DNAH17: variants seen among roughly 807,000 people sequenced by gnomAD.
The protein encoded by DNAH17 is axonemal beta dynein heavy chain 17.
Under a neutral mutation model 485.6 loss-of-function variants are expected in DNAH17, and 376 were observed. The ratio of observed to expected loss-of-function variants is 0.77; its 90% CI spans 0.71 to 0.84. DNAH17 has a LOEUF of 0.84. Ranked by LOEUF, DNAH17 falls within the 40% of genes least tolerant of loss-of-function variation. The pLI is 0.00. For synonymous variants in DNAH17, 3,031 were observed against 2,405.9 expected (o/e 1.26, Z -7.60); for missense variants, 6,370 against 5,839.3 (o/e 1.09, Z -2.96).
At chr17:78,500,057 G>A (rs554071496) in intron 36 of DNAH17, 2 of 458,560 alleles carry the variant, frequency 4.4e-6, no homozygotes, top group South Asian at 5.5e-5. Flanking sequence ...ATTGAGAGAG[G>A]GTCACCTCCA....
chr17:78,520,677 T>C (rs562468667), intron 25 of DNAH17, among the ~76,000 whole-genome samples: 2 of 152,202 alleles, frequency 1.3e-5, no homozygotes, highest in African/African-American at 2.4e-5. Flanking sequence ...TAACAAAACA[T>C]GTATAGGATC....
At chr17:78,482,985 C>T (rs1289927841) in intron 48 of DNAH17, among the ~76,000 whole-genome samples, 1 of 152,206 alleles carries the variant, frequency 6.6e-6, no homozygotes, top group Non-Finnish European at 1.5e-5. Context: ...TGGAAGGGGC[C>T]TCGCGAGTTG....
At chr17:78,545,748 C>G (rs945413365) in intron 16 of DNAH17, among the ~76,000 whole-genome samples, 1 of 152,160 alleles carries the variant, frequency 6.6e-6, no homozygotes, top group Non-Finnish European at 1.5e-5. Flanking sequence ...CATTTTTCAA[C>G]TCTTCTAATA....
At position 78,450,730 on chromosome 17, in the gene DNAH17, C is replaced by T. The variant is rs1464702811; in HGVS notation, c.10851G>A (p.Val3617=). 3.1e-6 allele frequency: 5 copies of T among 1,613,808 alleles called. No individual in the cohort carries two copies. The African/African-American group carries it at 6.7e-5, about 22-fold the overall frequency. Residue 3617 remains valine (V), a synonymous_variant, in exon 67 of 81, where the codon GTG becomes GTA. Transcript: ENST00000389840. ...TGTGCTTGGTGGTCTCCAGATTCTCCACCAAGGCCGTGTCTCCCAGAAAGT... is the reference window on the plus strand; with the variant it reads ...TGTGCTTGGTGGTCTCCAGATTCTCTACCAAGGCCGTGTCTCCCAGAAAGT... ...SGNFLGDTAL[V]ENLETTKHTA... is the part of the protein sequence containing the mutation.
At chr17:78,470,213 A>G (rs1057501295) in intron 54 of DNAH17, among the ~76,000 whole-genome samples, 9 of 150,680 alleles carry the variant, frequency 6.0e-5, no homozygotes, top group Non-Finnish European at 1.2e-4. Flanking sequence ...GATTACAGGC[A>G]TGTGCCACCA....
rs779904791 is a variant in DNAH17, at chr17:78,425,367, C to T, written c.13120G>A (p.Val4374Met). ...MTAPPREGSY[V>M]YGLFMEGARW... is the part of the protein sequence containing the mutation. ...TTACCTTCCATGAAGAGTCCGTACA[C>T]GTAGGAGCCCTCTCGCGGAGGAGCG... is the stretch of plus-strand genomic sequence containing the variant. Residue 4374 changes from valine (V) to methionine (M), a missense_variant, in exon 80 of 81, where the codon GTG becomes ATG. By Grantham distance (21) the Val-to-Met change is conservative. Coordinates refer to ENST00000389840, the MANE Select transcript of DNAH17 (RefSeq NM_173628.4). 8.1e-6 allele frequency: 13 copies of T among 1,613,852 alleles called. No homozygotes were observed. The highest frequency in any genetic ancestry group is 1.7e-5 in the Admixed American group (1 of 59,990).
intron 44 of DNAH17, chr17:78,489,938 A>T (rs1045828140): frequency 6.6e-6 from 1 of 152,068 alleles, no homozygotes; most frequent in South Asian, 2.1e-4. Flanking sequence ...GGAACACCTC[A>T]CTGGGATTTC....
chr17:78,552,317 A>G (rs1388518525), intron 15 of DNAH17, among the ~76,000 whole-genome samples: 1 of 152,090 alleles, frequency 6.6e-6, no homozygotes. Flanking sequence ...ACTTCTTCCT[A>G]CTTTGCTGAC....
intron 75 of DNAH17, among the ~76,000 whole-genome samples, chr17:78,433,204 C>T (rs1004002224): frequency 5.3e-5 from 8 of 152,230 alleles, no homozygotes; most frequent in African/African-American, 1.7e-4. Flanking sequence ...CAGGCTTAGC[C>T]TGAGTCAAAG....
chr17:78,437,148 G>A (rs1161355637), intron 74 of DNAH17, among the ~76,000 whole-genome samples: 4 of 152,164 alleles, frequency 2.6e-5, no homozygotes, highest in Non-Finnish European at 5.9e-5. Context: ...TCAGAGGGGG[G>A]CTGAAGGCAA....
intron 71 of DNAH17, among the ~76,000 whole-genome samples, chr17:78,443,563 A>G (rs2087155388): frequency 6.6e-6 from 1 of 151,222 alleles, no homozygotes. Flanking sequence ...TTTTATTTTT[A>G]TTTTGAGGCA....
intron 68 of DNAH17, chr17:78,449,967 T>C (rs1349010603): frequency 6.0e-6 from 3 of 497,734 alleles, no homozygotes; most frequent in Non-Finnish European, 1.1e-5. Context: ...TGAGCCACCA[T>C]GCCAGGCCAT....
chr17:78,439,262 A>G (rs1354903243), intron 72 of DNAH17, 45 bp from the exon 73 acceptor site: 7 of 1,575,008 alleles, frequency 4.4e-6, no homozygotes, highest in Non-Finnish European at 6.0e-6. Flanking sequence ...TAATTAAATG[A>G]CACAGGTTCA....
intron 14 of DNAH17, among the ~76,000 whole-genome samples, chr17:78,556,500 A>G (rs1220866024): frequency 6.6e-6 from 1 of 152,222 alleles, no homozygotes; most frequent in Non-Finnish European, 1.5e-5. Flanking sequence ...GATTTGTTAC[A>G]GCAGCAACAG....
intron 43 of DNAH17, among the ~76,000 whole-genome samples, chr17:78,491,134 G>A (rs547166718): frequency 7.2e-5 from 11 of 152,344 alleles, no homozygotes; most frequent in African/African-American, 2.6e-4. Flanking sequence ...GTTCCTTCCT[G>A]CATCCAACTG....
chr17:78,507,579 A>T lies in DNAH17; in HGVS notation c.4463T>A (p.Ile1488Asn), dbSNP rs766525665. 1.2e-6 allele frequency: 2 copies of T among 1,614,024 alleles called. No homozygotes were observed. Among genetic ancestry groups the T allele is most frequent in the African/African-American group, 1.3e-5 (1 of 74,942 alleles). The change falls in exon 28 of 81, where the codon ATC (isoleucine) becomes AAC (asparagine). Residue 1488 changes from isoleucine to asparagine, a missense_variant. Physicochemically the swap from Ile to Asn is moderately radical, Grantham distance 149. Transcript: ENST00000389840. ...CCAGGTTCGCTGGACCTCAAACCAG[A>T]TGGAGATGACGGAGTCCGCCGTGGA... ...KLSTADSVIS[I>N]WFEVQRTWSH... is the part of the protein sequence containing the mutation.
rs2086286869 is a variant in DNAH17 at position 78,424,214 on chromosome 17, A to G, written c.13142-61T>C. 1.9e-6 allele frequency: 3 copies of G among 1,549,878 alleles called. No individual in the cohort carries two copies. The African/African-American group carries it at 4.0e-5, about 21-fold the overall frequency. On this transcript the variant is annotated intron_variant, in intron 80 of 80. Transcript: ENST00000389840. ...GCCAGTAAGTGAGGGAGGGGCTGGC[A>G]GGAAGGGTGGGGTCCTCACACTCCC...
chr17:78,439,534 C>T (rs1205048764), intron 72 of DNAH17, among the ~76,000 whole-genome samples: 1 of 152,126 alleles, frequency 6.6e-6, no homozygotes, highest in Non-Finnish European at 1.5e-5. Context: ...CTTTGTGTCT[C>T]CATGGATTTA....
intron 15 of DNAH17, among the ~76,000 whole-genome samples, 196 bp from the exon 16 acceptor site, chr17:78,551,834 G>A (rs2091908855): frequency 6.6e-6 from 1 of 152,004 alleles, no homozygotes; most frequent in Admixed American, 6.6e-5. Context: ...ATAGCAGTGG[G>A]CACCTGTAAT....
Sources: gnomAD v4.1 joint callset for allele counts (sites outside exome capture counted in the v4.1 genomes callset) on GRCh38, gnomAD v4.1.1 for gene constraint, MANE v1.5 for transcripts, NCBI Gene and HGNC (gene_info 2026-07-23, HGNC 2026-07-21) for gene names.